TAS2R1: variants seen among roughly 807,000 people sequenced by gnomAD.
TAS2R1 encodes the protein taste receptor type 2 member 1.
For synonymous variants in TAS2R1, 141 were observed against 134.2 expected (o/e 1.05, Z -0.35); for missense variants, 370 against 353.4 (o/e 1.05, Z -0.38).
chr5:9,629,950 A>G lies in TAS2R1; in HGVS notation c.83T>C (p.Val28Ala). Residue 28 changes from valine (V) to alanine (A), a missense_variant, in exon 1 of 1, where the codon GTG (valine) becomes GCG (alanine). Coordinates refer to ENST00000382492, the MANE Select transcript of TAS2R1 (RefSeq NM_019599.3). ...GATCAAGTCAATGCCATTCACCACC[A>G]CAATGATGCCATTTGTGAAAATCCC... ...LLGIFTNGII[V>A]VVNGIDLIKH... 1 of 1,611,330 alleles carries G rather than the reference A, an allele frequency of 6.2e-7. No individual in the cohort carries two copies. Among genetic ancestry groups the G allele is most frequent in the Non-Finnish European group, 8.5e-7 (1 of 1,179,100 alleles).
chr5:9,765,821 G>C, the TAS2R1 span: 1 of 152,216 alleles, frequency 6.6e-6, no homozygotes, highest in African/African-American at 2.4e-5. Context: ...TAACTTTAGA[G>C]CATATTATTA....
chr5:9,822,628 T>C, the TAS2R1 span, among the ~76,000 whole-genome samples: 6 of 152,088 alleles, frequency 3.9e-5, no homozygotes, highest in Non-Finnish European at 7.4e-5. Flanking sequence ...GGATTACAGG[T>C]GTGAGCCACC....
the TAS2R1 span, among the ~76,000 whole-genome samples, chr5:9,745,038 A>T: frequency 2.6e-5 from 4 of 152,212 alleles, no homozygotes; most frequent in African/African-American, 9.6e-5. Context: ...TTTCTGCTTG[A>T]GGAAACTTAC....
chr5:9,874,528 G>A, the TAS2R1 span, among the ~76,000 whole-genome samples: 1 of 152,180 alleles, frequency 6.6e-6, no homozygotes. Flanking sequence ...TTCTGGGTAA[G>A]AGTGGAATCC....
chr5:9,721,026 C>G, the TAS2R1 span, among the ~76,000 whole-genome samples: 2 of 152,006 alleles, frequency 1.3e-5, no homozygotes, highest in African/African-American at 4.8e-5. Context: ...AGGGCAGTAG[C>G]TAAGAACTGC....
At chr5:9,756,395 G>A in the TAS2R1 span, among the ~76,000 whole-genome samples, 6 of 152,124 alleles carry the variant, frequency 3.9e-5, no homozygotes, top group Non-Finnish European at 7.3e-5. Context: ...ATAAGGGTTT[G>A]ATCAATGTCT....
intron 1 of TAS2R1, among the ~76,000 whole-genome samples, chr5:9,670,092 C>G (rs891609692): frequency 6.6e-6 from 1 of 151,856 alleles, no homozygotes. Flanking sequence ...CACAGAAATA[C>G]AAAAAAACCC....
the TAS2R1 span, among the ~76,000 whole-genome samples, chr5:9,796,014 C>A: frequency 2.0e-5 from 3 of 152,208 alleles, no homozygotes; most frequent in South Asian, 4.2e-4. Context: ...TGTCTGCAGG[C>A]AAATAGACAA....
chr5:9,738,424 G>C, the TAS2R1 span, among the ~76,000 whole-genome samples: 935 of 152,210 alleles, frequency 6.1e-3, 8 homozygotes, highest in African/African-American at 0.021. Flanking sequence ...GGAAAAAGGC[G>C]CTCCTCCTAG....
chr5:9,792,439 G>A, the TAS2R1 span, among the ~76,000 whole-genome samples: 14 of 152,126 alleles, frequency 9.2e-5, no homozygotes, highest in Admixed American at 3.3e-4. Context: ...CTTTCTTCCC[G>A]TGTTATAACT....
At chr5:9,633,319 T>TACATACATAC (rs1739911285), upstream of TAS2R1, among the ~76,000 whole-genome samples, 1 of 137,482 alleles carries the variant, frequency 7.3e-6, no homozygotes, top group African/African-American at 3.0e-5. Flanking sequence ...TATATATATA[T>TACATACATAC]ACACAAATGT....
At chr5:9,717,617 A>C in the TAS2R1 span, among the ~76,000 whole-genome samples, 1 of 152,174 alleles carries the variant, frequency 6.6e-6, no homozygotes, top group Non-Finnish European at 1.5e-5. Context: ...ACTTCCCACA[A>C]TTAAAACAGA....
At chr5:9,642,896 C>G (rs916556002) in intron 2 of TAS2R1, among the ~76,000 whole-genome samples, 1 of 152,180 alleles carries the variant, frequency 6.6e-6, no homozygotes, top group Non-Finnish European at 1.5e-5. Flanking sequence ...CAGCTCTAAA[C>G]TGAGTTCCTC....
chr5:9,861,600 G>A, the TAS2R1 span, among the ~76,000 whole-genome samples: 1 of 152,162 alleles, frequency 6.6e-6, no homozygotes, highest in East Asian at 1.9e-4. Context: ...AACCAAACTG[G>A]CACCTAAGGG....
chr5:9,766,321 A>G, the TAS2R1 span, among the ~76,000 whole-genome samples: 1 of 152,266 alleles, frequency 6.6e-6, no homozygotes, highest in Non-Finnish European at 1.5e-5. Flanking sequence ...ATGTGAAGCC[A>G]AAACATGTAG....
At chr5:9,690,435 C>T (rs1741216931) in intron 1 of TAS2R1, among the ~76,000 whole-genome samples, 1 of 151,976 alleles carries the variant, frequency 6.6e-6, no homozygotes, top group Non-Finnish European at 1.5e-5. Context: ...GGTCATGGTC[C>T]CTGGATATGT....
the TAS2R1 span, among the ~76,000 whole-genome samples, chr5:9,773,731 A>G: frequency 1.3e-5 from 2 of 152,154 alleles, no homozygotes; most frequent in African/African-American, 4.8e-5. Context: ...AGCACTTTAA[A>G]TATGTCATGC....
the TAS2R1 span, among the ~76,000 whole-genome samples, chr5:9,782,628 T>C: frequency 1.3e-5 from 2 of 152,220 alleles, no homozygotes; most frequent in Non-Finnish European, 2.9e-5. Flanking sequence ...TGCAGGGACC[T>C]TGTCTTTACA....
chr5:9,636,909 G>A (rs549991384), intron 2 of TAS2R1, among the ~76,000 whole-genome samples: 70 of 151,980 alleles, frequency 4.6e-4, no homozygotes, highest in Non-Finnish European at 4.1e-4. Context: ...AAGCATTTAG[G>A]CCATTTACAT....
Sources: gnomAD v4.1 joint callset for allele counts (sites outside exome capture counted in the v4.1 genomes callset) on GRCh38, gnomAD v4.1.1 for gene constraint, MANE v1.5 for transcripts, NCBI Gene and HGNC (gene_info 2026-07-23, HGNC 2026-07-21) for gene names.